The following MAP3K5 variants were observed in gnomAD, a reference collection of about 807,000 sequenced individuals.
The protein encoded by MAP3K5 is mitogen-activated protein kinase kinase kinase 5.
MAP3K5 carries 56 observed loss-of-function variants against 158.7 expected under a neutral mutation model. The ratio of observed to expected loss-of-function variants is 0.35; its 90% CI spans 0.28 to 0.44. The LOEUF (loss-of-function observed/expected upper bound fraction) is 0.44, where lower values mean the gene tolerates loss of function less well. MAP3K5 is among the 20% of genes least tolerant of loss of function. The pLI, the probability that MAP3K5 is intolerant of heterozygous loss-of-function variation, is 1.00. For missense variants in MAP3K5, 1,294 were observed against 1,674.8 expected, an observed-to-expected ratio of 0.77 and a Z score of 3.97; for synonymous variants, 579 against 601.7, an observed-to-expected ratio of 0.96 and a Z score of 0.55.
chr6:136,759,181 TAAAAG>T (rs1339027536), intron 1 of MAP3K5, among the ~76,000 whole-genome samples: 2 of 151,830 alleles, frequency 1.3e-5, no homozygotes, highest in Admixed American at 6.6e-5. Context: ...AAAAATAAAA[TAAAAG>T]AATAGACTTT....
chr6:136,656,997 G>C (rs1374306389), intron 9 of MAP3K5, among the ~76,000 whole-genome samples: 1 of 152,182 alleles, frequency 6.6e-6, no homozygotes, highest in African/African-American at 2.4e-5. Context: ...ATTTTAGAGA[G>C]GAGGAAACAG....
At chr6:136,693,798 T>C (rs1037280865) in intron 7 of MAP3K5, among the ~76,000 whole-genome samples, 1 of 152,130 alleles carries the variant, frequency 6.6e-6, no homozygotes, top group African/African-American at 2.4e-5. Flanking sequence ...AAGACCAGCC[T>C]GGCCAACAGG....
intron 1 of MAP3K5, among the ~76,000 whole-genome samples, chr6:136,766,661 T>C (rs1783980202): frequency 6.6e-6 from 1 of 152,190 alleles, no homozygotes; most frequent in Non-Finnish European, 1.5e-5. Flanking sequence ...TAAGGTAACA[T>C]TTCAGAGAAG....
intron 7 of MAP3K5, among the ~76,000 whole-genome samples, chr6:136,672,915 C>G (rs575275216): frequency 3.4e-5 from 5 of 149,188 alleles, no homozygotes; most frequent in African/African-American, 1.2e-4. Context: ...ACTTGAACCC[C>G]GGAGGTGGAG....
At chr6:136,611,759 C>G (rs1016041352) in intron 17 of MAP3K5, among the ~76,000 whole-genome samples, 2 of 152,166 alleles carry the variant, frequency 1.3e-5, no homozygotes, top group Admixed American at 6.5e-5. Flanking sequence ...TAGCCCTTCC[C>G]CAAAACTAAA....
At chr6:136,593,015 T>C (rs17723504) in intron 21 of MAP3K5, among the ~76,000 whole-genome samples, 17,216 of 152,204 alleles carry the variant, frequency 0.11, 2,154 homozygotes, top group African/African-American at 0.29. Context: ...GGGGCTTAAG[T>C]GTCTCCATTA....
intron 9 of MAP3K5, among the ~76,000 whole-genome samples, chr6:136,658,692 T>A (rs1778874315): frequency 6.6e-6 from 1 of 152,190 alleles, no homozygotes; most frequent in South Asian, 2.1e-4. Flanking sequence ...AAAATAATGA[T>A]GAGATTTGGG....
At chr6:136,684,688 T>C (rs1197940126) in intron 7 of MAP3K5, among the ~76,000 whole-genome samples, 4 of 152,308 alleles carry the variant, frequency 2.6e-5, no homozygotes, top group Admixed American at 6.5e-5. Context: ...TCTGCTGTCA[T>C]CTTGCTCCTT....
chr6:136,623,051 T>C, intron 14 of MAP3K5, 70 bp from the exon 15 acceptor site: 1 of 1,494,928 alleles, frequency 6.7e-7, no homozygotes, highest in Non-Finnish European at 9.2e-7. Flanking sequence ...ATCAAATTTT[T>C]TTCCAAGAGC....
intron 1 of MAP3K5, among the ~76,000 whole-genome samples, chr6:136,745,174 T>G (rs1029877401): frequency 6.9e-6 from 1 of 144,914 alleles, no homozygotes; most frequent in Non-Finnish European, 1.5e-5. Context: ...TTGAGCAACT[T>G]AATTGGAGCT....
intron 23 of MAP3K5, among the ~76,000 whole-genome samples, chr6:136,585,455 C>CTT (rs1775083452): frequency 7.3e-6 from 1 of 137,138 alleles, no homozygotes; most frequent in African/African-American, 2.7e-5. Context: ...AGGCATATTG[C>CTT]TTCCTTTCTT....
rs7756042 is a variant in MAP3K5, at chr6:136,722,025, T to G, written c.449-1436A>C. Among the ~76,000 whole-genome samples, 517 of 152,294 alleles carry G rather than the reference T, an allele frequency of 3.4e-3. 5 individuals are homozygous for G. The highest frequency in any genetic ancestry group is 0.012 in the African/African-American group (492 of 41,566). On this transcript the variant is annotated intron_variant, in intron 1 of 29. Transcript: ENST00000359015. ...TCATCTATTCCCACAACTTACTATA[T>G]AATGGCTTTCTGAAAATCCCAGCCA...
Position 136,694,322 on chromosome 6 carries a change from A to G in MAP3K5, c.1083-12T>C, listed in dbSNP as rs773738206. On this transcript the variant is annotated splice_polypyrimidine_tract_variant and intron_variant, in intron 6 of 29. Coordinates refer to ENST00000359015, the MANE Select transcript of MAP3K5 (RefSeq NM_005923.4). ...CAGGGAGATTTCTCCTAAGGCAGAAAACATTGTTGTTTCAATATACATTAC... is the reference window on the plus strand; with the variant it reads ...CAGGGAGATTTCTCCTAAGGCAGAAGACATTGTTGTTTCAATATACATTAC... 120 of 1,603,030 alleles carry G rather than the reference A, an allele frequency of 7.5e-5. No individual in the cohort carries two copies. Among genetic ancestry groups the G allele is most frequent in the Non-Finnish European group, 1.0e-4 (118 of 1,177,500 alleles).
intron 21 of MAP3K5, among the ~76,000 whole-genome samples, chr6:136,596,098 T>C (rs1775617864): frequency 6.6e-6 from 1 of 151,976 alleles, no homozygotes; most frequent in Non-Finnish European, 1.5e-5. Context: ...GTATTTAAAG[T>C]AAAGGATGAC....
intron 15 of MAP3K5, among the ~76,000 whole-genome samples, chr6:136,620,409 C>A (rs948000914): frequency 6.6e-6 from 1 of 152,140 alleles, no homozygotes; most frequent in Admixed American, 6.5e-5. Flanking sequence ...TGCGCATGTA[C>A]CCCCTGGTTC....
At chr6:136,710,220 T>G (rs1331138227) in intron 2 of MAP3K5, among the ~76,000 whole-genome samples, 1 of 152,180 alleles carries the variant, frequency 6.6e-6, no homozygotes, top group Non-Finnish European at 1.5e-5. Context: ...GGAAAGGGAA[T>G]AAATTTAAGA....
At chr6:136,559,378 AAAAACAAAAAC>A (rs1830404934) in intron 28 of MAP3K5, among the ~76,000 whole-genome samples, 6 of 123,968 alleles carry the variant, frequency 4.8e-5, no homozygotes, top group Admixed American at 4.6e-4. Context: ...AAACAAAAAC[AAAAACAAAAAC>A]AAGAAATGCA....
At chr6:136,786,781 T>G (rs1327304838) in intron 1 of MAP3K5, among the ~76,000 whole-genome samples, 2 of 151,182 alleles carry the variant, frequency 1.3e-5, no homozygotes, top group Non-Finnish European at 2.9e-5. Context: ...TTAAAAATGT[T>G]ACCAAACTTT....
chr6:136,726,341 T>G (rs1025840246), intron 1 of MAP3K5, among the ~76,000 whole-genome samples: 1 of 152,184 alleles, frequency 6.6e-6, no homozygotes, highest in East Asian at 1.9e-4. Flanking sequence ...ACCTGTAATC[T>G]CAACACTTTG....
Sources: allele counts gnomAD v4.1 joint callset (sites outside exome capture counted in the v4.1 genomes callset), GRCh38; gene constraint gnomAD v4.1.1; transcripts MANE v1.5; gene names NCBI Gene and HGNC (gene_info 2026-07-23, HGNC 2026-07-21).